The following SCGB3A2 variants were observed in gnomAD, a reference collection of about 807,000 sequenced individuals.
The protein encoded by SCGB3A2 is secretoglobin family 3A member 2, also known as pneumo secretory protein 1.
Under a neutral mutation model 7.7 loss-of-function variants are expected in SCGB3A2, and 5 were observed. The observed-to-expected ratio is 0.65, with a 90% CI of 0.34 to 1.36. The LOEUF (loss-of-function observed/expected upper bound fraction) is 1.36, where lower values mean the gene tolerates loss of function less well. SCGB3A2 is among the 40% of genes most tolerant of loss of function. The pLI, the probability that SCGB3A2 is intolerant of heterozygous loss-of-function variation, is 0.04. For missense variants in SCGB3A2, 109 were observed against 103.6 expected (o/e 1.05, Z -0.23); for synonymous variants, 44 against 42.7 (o/e 1.03, Z -0.12).
intron 1 of SCGB3A2, among the ~76,000 whole-genome samples, chr5:147,879,539 CTT>C (rs1174241994): frequency 6.6e-6 from 1 of 152,170 alleles, no homozygotes; most frequent in Non-Finnish European, 1.5e-5. Flanking sequence ...AGATAGAACT[CTT>C]TTAGTGTATT....
chr5:147,881,679 A>T (rs1757351277), intron 2 of SCGB3A2, 31 bp downstream of exon 2: 8 of 1,562,798 alleles, frequency 5.1e-6, no homozygotes, highest in Non-Finnish European at 6.2e-6. Flanking sequence ...TAATCTGCCA[A>T]AGGGGAGGCA....
chr5:147,881,493 G>C lies in SCGB3A2; in HGVS notation c.103G>C (p.Ala35Pro). 3 of 1,613,990 alleles carry C rather than the reference G, an allele frequency of 1.9e-6. No individual in the cohort carries two copies. Among genetic ancestry groups the C allele is most frequent in the Non-Finnish European group, 2.5e-6 (3 of 1,179,918 alleles). The change falls in exon 2 of 3, where the codon GCA (alanine) becomes CCA (proline). Residue 35 changes from alanine (A) to proline (P), a missense_variant. Transcript: ENST00000296694. ...NKVPLPVDKL[A>P]PLPLDNILPF... ...AGTGCCCCTTCCTGTTGACAAGTTGGCACCTTTACCTCTGGACAACATTCT... is the reference window on the plus strand; with the variant it reads ...AGTGCCCCTTCCTGTTGACAAGTTGCCACCTTTACCTCTGGACAACATTCT...
At chr5:147,880,358 T>TC (rs1287683080) in intron 1 of SCGB3A2, among the ~76,000 whole-genome samples, 2 of 151,918 alleles carry the variant, frequency 1.3e-5, no homozygotes, top group Non-Finnish European at 2.9e-5. Flanking sequence ...AAATCCAAAC[T>TC]CCTTTGTGTG....
At chr5:147,881,791 G>T in intron 2 of SCGB3A2, 143 bp downstream of exon 2, 2 of 791,082 alleles carry the variant, frequency 2.5e-6, no homozygotes, top group Non-Finnish European at 4.0e-6. Context: ...TGGAATCTCA[G>T]GAAAAATACA....
intron 1 of SCGB3A2, among the ~76,000 whole-genome samples, chr5:147,879,772 T>C (rs1370373276): frequency 6.6e-6 from 1 of 152,160 alleles, no homozygotes; most frequent in Non-Finnish European, 1.5e-5. Flanking sequence ...AGAGAAGATA[T>C]TTACCAAAAT....
At chr5:147,879,011 G>T (rs942330494) in intron 1 of SCGB3A2, among the ~76,000 whole-genome samples, 153 bp downstream of exon 1, 1 of 151,994 alleles carries the variant, frequency 6.6e-6, no homozygotes, top group African/African-American at 2.4e-5. Flanking sequence ...CATAATAATT[G>T]CACATATTTG....
intron 1 of SCGB3A2, among the ~76,000 whole-genome samples, 166 bp downstream of exon 1, chr5:147,879,024 G>A (rs1208198674): frequency 1.3e-5 from 2 of 152,054 alleles, no homozygotes; most frequent in Non-Finnish European, 2.9e-5. Flanking sequence ...CATATTTGCA[G>A]GGTTGGAAGA....
At chr5:147,879,379 C>T (rs567429977) in intron 1 of SCGB3A2, among the ~76,000 whole-genome samples, 9 of 152,292 alleles carry the variant, frequency 5.9e-5, no homozygotes, top group African/African-American at 2.2e-4. Flanking sequence ...TGAATGGCTA[C>T]AATTTGTTGG....
At chr5:147,881,387 TGAG>T in intron 1 of SCGB3A2, 56 bp from the exon 2 acceptor site, 1 of 1,282,896 alleles carries the variant, frequency 7.8e-7, no homozygotes, top group East Asian at 2.3e-5. Flanking sequence ...GGAAAGAAGA[TGAG>T]GTCATAGTCT....
chr5:147,879,637 G>A (rs1270989535), intron 1 of SCGB3A2, among the ~76,000 whole-genome samples: 2 of 152,118 alleles, frequency 1.3e-5, no homozygotes, highest in Non-Finnish European at 1.5e-5. Context: ...TTTTTGGAAG[G>A]AATCATTGTA....
chr5:147,879,059 G>A (rs1757305853), intron 1 of SCGB3A2, among the ~76,000 whole-genome samples: 1 of 152,116 alleles, frequency 6.6e-6, no homozygotes, highest in African/African-American at 2.4e-5. Flanking sequence ...AGAAAATGGT[G>A]ATGTTGGAAA....
chr5:147,881,401 G>A (rs766960636), intron 1 of SCGB3A2, 45 bp from the exon 2 acceptor site: 1 of 1,437,000 alleles, frequency 7.0e-7, no homozygotes, highest in Admixed American at 1.7e-5. Context: ...GTCATAGTCT[G>A]GGCCCAGATG....
intron 1 of SCGB3A2, chr5:147,880,730 C>T (rs996034144): frequency 6.6e-6 from 1 of 152,340 alleles, no homozygotes; most frequent in Non-Finnish European, 1.5e-5. Context: ...GTGGCATACA[C>T]AGATCTTCTA....
intron 1 of SCGB3A2, among the ~76,000 whole-genome samples, chr5:147,880,088 G>T (rs1478089395): frequency 1.3e-5 from 2 of 152,132 alleles, no homozygotes; most frequent in Admixed American, 6.6e-5. Flanking sequence ...GGAAATAATA[G>T]GTTTCCAAAG....
chr5:147,878,811 T>C lies in SCGB3A2; in HGVS notation c.8T>C (p.Leu3Pro), dbSNP rs764587619. 8 of 1,612,854 alleles carry C rather than the reference T, an allele frequency of 5.0e-6. No individual in the cohort carries two copies. Among genetic ancestry groups the C allele is most frequent in the Non-Finnish European group, 6.8e-6 (8 of 1,178,840 alleles). ...ATATCCCAGATAACTGTCATGAAGC[T>C]GGTAACTATCTTCCTGCTGGTGACC... MK[L>P]VTIFLLVTIS... The change falls in exon 1 of 3, where the codon CTG becomes CCG. Residue 3 changes from leucine to proline, a missense_variant. Leu to Pro is a moderately conservative substitution (Grantham distance 98). Transcript: ENST00000296694.
chr5:147,881,694 C>T lies in SCGB3A2; in HGVS notation c.258+46C>T, dbSNP rs750253307. On this transcript the variant is annotated intron_variant, in intron 2 of 2. Coordinates refer to ENST00000296694, the MANE Select transcript of SCGB3A2 (RefSeq NM_054023.5). ...TAATCTGCCAAAGGGGAGGCATACTCACCCTGAATGTCTAGCTCCTCTTCT... is the reference window on the plus strand; with the variant it reads ...TAATCTGCCAAAGGGGAGGCATACTTACCCTGAATGTCTAGCTCCTCTTCT... 170 of 1,432,828 alleles carry T rather than the reference C, an allele frequency of 1.2e-4. No individual in the cohort carries two copies. The Admixed American group carries it at 1.4e-3, about 12-fold the overall frequency. 88.8% of individuals were successfully genotyped at this position (1,432,828 alleles called of 1,614,324 possible).
intron 2 of SCGB3A2, 77 bp downstream of exon 2, chr5:147,881,725 C>T: frequency 8.8e-7 from 1 of 1,134,410 alleles, no homozygotes; most frequent in Non-Finnish European, 1.3e-6. Flanking sequence ...CTTCTTGTCC[C>T]TTGTAAATGT....
Position 147,882,020 on chromosome 5 carries a change from A to G in SCGB3A2, c.259-7A>G, listed in dbSNP as rs771345861. 1.9e-6 allele frequency: 3 copies of G among 1,613,674 alleles called. No individual in the cohort carries two copies. The highest frequency in any genetic ancestry group is 2.5e-6 in the Non-Finnish European group (3 of 1,179,778). On this transcript the variant is annotated splice_polypyrimidine_tract_variant and splice_region_variant and intron_variant, in intron 2 of 2. Transcript: ENST00000296694. Reference sequence around the variant, plus strand: ...GCTCTAAATTTTGTTGTCCTTCTACATTTCAGGAGGCGCTATCACACTTGG... The same window carrying G: ...GCTCTAAATTTTGTTGTCCTTCTACGTTTCAGGAGGCGCTATCACACTTGG...
chr5:147,879,415 A>T (rs1167260556), intron 1 of SCGB3A2, among the ~76,000 whole-genome samples: 1 of 152,242 alleles, frequency 6.6e-6, no homozygotes, highest in Non-Finnish European at 1.5e-5. Context: ...TGGAAGATTT[A>T]GACATGAAGC....
Sources: gnomAD v4.1 joint callset for allele counts (sites outside exome capture counted in the v4.1 genomes callset) on GRCh38, gnomAD v4.1.1 for gene constraint, MANE v1.5 for transcripts, NCBI Gene and HGNC (gene_info 2026-07-23, HGNC 2026-07-21) for gene names.